Variants in PANX1 observed in about 807,000 individuals in gnomAD.
The protein encoded by PANX1 is pannexin 1.
Under a neutral mutation model 38.7 loss-of-function variants are expected in PANX1, and 30 were observed. The ratio of observed to expected loss-of-function variants is 0.78; its 90% CI spans 0.58 to 1.05. The LOEUF (loss-of-function observed/expected upper bound fraction) is 1.05. PANX1 is among the 50% of genes least tolerant of loss of function. The pLI is 0.00. For synonymous variants in PANX1, 230 were observed against 212.2 expected (o/e 1.08, Z -0.73); for missense variants, 551 against 517.2 (o/e 1.07, Z -0.63).
chr11:94,158,783 A>G (rs909650879), intron 2 of PANX1, among the ~76,000 whole-genome samples: 3 of 152,126 alleles, frequency 2.0e-5, no homozygotes, highest in South Asian at 2.1e-4. Flanking sequence ...TTCCAACACT[A>G]TGTTGAATAG....
intron 1 of PANX1, among the ~76,000 whole-genome samples, chr11:94,143,648 T>G (rs763128524): frequency 9.2e-5 from 14 of 152,190 alleles, no homozygotes; most frequent in Middle Eastern, 3.2e-3. Context: ...ATAGAATCTT[T>G]TTTAAAGCAA....
At chr11:94,133,561 A>G (rs1946654893) in intron 1 of PANX1, among the ~76,000 whole-genome samples, 1 of 152,124 alleles carries the variant, frequency 6.6e-6, no homozygotes, top group Non-Finnish European at 1.5e-5. Context: ...ACAGTGAGAT[A>G]CTAAGGATTG....
At chr11:94,136,719 G>T (rs1342648910) in intron 1 of PANX1, among the ~76,000 whole-genome samples, 1 of 152,054 alleles carries the variant, frequency 6.6e-6, no homozygotes, top group Non-Finnish European at 1.5e-5. Flanking sequence ...AGTGAGCCGA[G>T]ATCGCGCCAC....
chr11:94,143,412 A>G (rs1355532733), intron 1 of PANX1, among the ~76,000 whole-genome samples: 1 of 152,206 alleles, frequency 6.6e-6, no homozygotes, highest in African/African-American at 2.4e-5. Context: ...GGATGCGACA[A>G]GGGAGCCCTC....
Position 94,161,613 on chromosome 11 carries a change from G to A in PANX1, c.321+7983G>A, listed in dbSNP as rs533407192. The stretch of plus-strand genomic sequence containing the variant: ...TTCTCTGCATTGGTTATTCTAGTTA[G>A]CCATTTGTCTAATTTTTTTTCAAGG... On this transcript the variant is annotated intron_variant, in intron 2 of 4. Transcript: ENST00000227638. 3.9e-5 allele frequency among the ~76,000 whole-genome samples: 6 copies of A among 152,166 alleles called. No individual in the cohort carries two copies. In the East Asian group the frequency reaches 1.2e-3, roughly 29 times the overall value.
chr11:94,172,278 C>T (rs146454943), intron 2 of PANX1, among the ~76,000 whole-genome samples: 8 of 142,122 alleles, frequency 5.6e-5, no homozygotes, highest in Non-Finnish European at 9.3e-5. Context: ...CCCATCTTGC[C>T]GTACAATGTG....
chr11:94,149,079 TAGGA>T, intron 1 of PANX1, among the ~76,000 whole-genome samples: 1 of 152,078 alleles, frequency 6.6e-6, no homozygotes. Flanking sequence ...TTCTCCTGCC[TAGGA>T]GCAGGATCTA....
chr11:94,151,126 C>G (rs1180272760), intron 1 of PANX1, among the ~76,000 whole-genome samples: 1 of 152,170 alleles, frequency 6.6e-6, no homozygotes, highest in Non-Finnish European at 1.5e-5. Context: ...ATTTAAAGGG[C>G]TGGTTGGTGT....
At chr11:94,141,865 TTAAA>T (rs1347194706) in intron 1 of PANX1, among the ~76,000 whole-genome samples, 2 of 152,068 alleles carry the variant, frequency 1.3e-5, no homozygotes, top group Admixed American at 1.3e-4. Context: ...AGGGTGAGAA[TTAAA>T]TAAATTAGCG....
At chr11:94,150,181 A>C (rs1946868793) in intron 1 of PANX1, among the ~76,000 whole-genome samples, 1 of 150,062 alleles carries the variant, frequency 6.7e-6, no homozygotes, top group South Asian at 2.1e-4. Context: ...CTCCGGGCAG[A>C]GGGGATCATG....
In PANX1 at chr11:94,181,167, C is replaced by T. The variant is rs1236884272; in HGVS notation, c.*298C>T. On this transcript the variant is annotated 3_prime_UTR_variant, in exon 5 of 5. Coordinates refer to ENST00000227638, the MANE Select transcript of PANX1 (RefSeq NM_015368.4). ...GAACAATTAGTCAAGAGCAGTAGCC[C>T]TGTCAGAGCCTCGGAGCAATACCTT... 1.3e-5 allele frequency: 4 copies of T among 313,828 alleles called. No homozygotes were observed. The highest frequency in any genetic ancestry group is 2.4e-5 in the Non-Finnish European group (4 of 167,338). The allele number at this position is 313,828 out of a possible 1,614,324, so 19.4% of individuals were successfully genotyped here.
intron 2 of PANX1, among the ~76,000 whole-genome samples, chr11:94,160,449 T>A (rs942109530): frequency 1.3e-5 from 2 of 152,230 alleles, no homozygotes; most frequent in Non-Finnish European, 2.9e-5. Context: ...TTAGCTCTTC[T>A]TGTTGAATTG....
chr11:94,153,356 T>C (rs1946907886), intron 1 of PANX1, 135 bp from the exon 2 acceptor site: 2 of 854,486 alleles, frequency 2.3e-6, no homozygotes. Context: ...GGGTGTTTGT[T>C]TTTAGTTCTG....
At chr11:94,147,959 C>G (rs1370375665) in intron 1 of PANX1, among the ~76,000 whole-genome samples, 1 of 151,998 alleles carries the variant, frequency 6.6e-6, no homozygotes, top group Non-Finnish European at 1.5e-5. Context: ...TGATGATGCT[C>G]AGCTTTAGTT....
chr11:94,152,509 G>T (rs1946893797), intron 1 of PANX1, among the ~76,000 whole-genome samples: 1 of 152,142 alleles, frequency 6.6e-6, no homozygotes, highest in Non-Finnish European at 1.5e-5. Flanking sequence ...CTGTCATGGA[G>T]CCTTAGCTCT....
intron 1 of PANX1, among the ~76,000 whole-genome samples, chr11:94,144,836 T>C (rs1946808651): frequency 6.6e-6 from 1 of 152,190 alleles, no homozygotes; most frequent in Admixed American, 6.5e-5. Context: ...TTAGCTGTCT[T>C]ACTTTACTTA....
chr11:94,178,225 A>G (rs1236171163), intron 2 of PANX1, 144 bp from the exon 3 acceptor site: 2 of 643,776 alleles, frequency 3.1e-6, no homozygotes. Flanking sequence ...GAATTTAGCC[A>G]TAAGAAGTAG....
At chr11:94,137,396 T>G (rs779928254) in intron 1 of PANX1, among the ~76,000 whole-genome samples, 2 of 152,184 alleles carry the variant, frequency 1.3e-5, no homozygotes, top group African/African-American at 4.8e-5. Flanking sequence ...TAAAAAACCA[T>G]GCAAACACCT....
chr11:94,162,878 T>TC (rs1565381200), intron 2 of PANX1, among the ~76,000 whole-genome samples: 1 of 147,032 alleles, frequency 6.8e-6, no homozygotes, highest in Non-Finnish European at 1.5e-5. Flanking sequence ...TCTCTTTTTT[T>TC]TTTTTTTTTT....
Sources: gnomAD v4.1 joint callset for allele counts (sites outside exome capture counted in the v4.1 genomes callset) on GRCh38, gnomAD v4.1.1 for gene constraint, MANE v1.5 for transcripts, NCBI Gene and HGNC (gene_info 2026-07-23, HGNC 2026-07-21) for gene names.